Variants in SLC30A9 observed in about 807,000 individuals in gnomAD.
SLC30A9 encodes proton-coupled zinc antiporter SLC30A9, mitochondrial.
Under a neutral mutation model 87.5 loss-of-function variants are expected in SLC30A9, and 58 were observed. The ratio of observed to expected loss-of-function variants is 0.66; its 90% CI spans 0.54 to 0.82. The LOEUF (loss-of-function observed/expected upper bound fraction) is 0.82, where lower values mean the gene tolerates loss of function less well. SLC30A9 is among the 40% of genes least tolerant of loss of function. The pLI, the probability that SLC30A9 is intolerant of heterozygous loss-of-function variation, is 0.00. For synonymous variants in SLC30A9, 234 were observed against 233.0 expected (o/e 1.00, Z -0.04); for missense variants, 557 against 679.1 (o/e 0.82, Z 2.00).
chr4:41,999,605 C>T (rs1292708064), intron 1 of SLC30A9, among the ~76,000 whole-genome samples: 1 of 151,650 alleles, frequency 6.6e-6, no homozygotes, highest in East Asian at 1.9e-4. Flanking sequence ...ATTCAGTCAG[C>T]AAAATTCAGC....
In SLC30A9 at chr4:42,049,467, T is replaced by C; in HGVS notation, c.828T>C (p.Asp276=). 1 of 1,581,810 alleles carries C rather than the reference T, an allele frequency of 6.3e-7. No individual in the cohort carries two copies. Among genetic ancestry groups the C allele is most frequent in the Non-Finnish European group, 8.6e-7 (1 of 1,157,654 alleles). The change falls in exon 9 of 18, where the codon GAT becomes GAC. Residue 276 remains aspartate, a synonymous_variant. Coordinates refer to ENST00000264451, the MANE Select transcript of SLC30A9 (RefSeq NM_006345.4). ...MFSEAIHSLS[D]TCNQGLLALG... ...CAGAAGCTATACACTCATTATCTGA[T>C]ACTTGTAATCAGGTGAGGACTAAAG...
In SLC30A9 at chr4:42,035,326, A is replaced by C. The variant is rs745621391; in HGVS notation, c.662A>C (p.Asn221Thr). The C allele has an allele frequency of 3.7e-6, 6 of 1,602,732 alleles. No homozygotes were observed. The East Asian group carries it at 1.3e-4, about 36-fold the overall frequency. Residue 221 changes from asparagine to threonine, a missense_variant, in exon 7 of 18, where the codon AAT becomes ACT. By Grantham distance (65) the Asn-to-Thr change is moderately conservative. Around this residue, in one of 2 missense-constraint regions of SLC30A9, gnomAD observed 467 missense variants for 529.8 expected, o/e 0.88. Transcript: ENST00000264451. ...AGAGAATACAGAGATTTCTTGGGAA[A>C]TACCAAGGTATGGATATCTTTGTAA... ...ILREYRDFLG[N>T]TKPRSRTASV...
chr4:42,065,220 G>C lies in SLC30A9; in HGVS notation c.1033-90G>C. 3 of 737,630 alleles carry C rather than the reference G, an allele frequency of 4.1e-6. No homozygotes were observed. In the East Asian group the frequency reaches 7.7e-5, roughly 19 times the overall value. The allele number at this position is 737,630 out of a possible 1,614,324, so 45.7% of individuals were successfully genotyped here. A position where few individuals can be genotyped will look rare whatever the true frequency, so the allele number is the denominator to read the frequency against. On this transcript the variant is annotated intron_variant, in intron 11 of 17. Coordinates refer to ENST00000264451, the MANE Select transcript of SLC30A9 (RefSeq NM_006345.4). ...CTGTCTGGCTTAAATTTGAATTCGTGTTTTTGTTTTAGACATTACGGACTT... is the reference window on the plus strand; with the variant it reads ...CTGTCTGGCTTAAATTTGAATTCGTCTTTTTGTTTTAGACATTACGGACTT...
intron 2 of SLC30A9, among the ~76,000 whole-genome samples, chr4:42,014,408 T>A (rs57459478): frequency 9.7e-4 from 148 of 152,164 alleles, no homozygotes; most frequent in African/African-American, 2.5e-3. Context: ...TACAAAAAAA[T>A]TAGCTGGGTG....
At chr4:42,045,635 C>T (rs1717118958) in intron 8 of SLC30A9, among the ~76,000 whole-genome samples, 1 of 150,630 alleles carries the variant, frequency 6.6e-6, no homozygotes, top group Admixed American at 6.6e-5. Flanking sequence ...CCAAATTCTA[C>T]CAGAGGTGCA....
chr4:42,074,086 A>G (rs1023300898), intron 15 of SLC30A9, among the ~76,000 whole-genome samples: 3 of 152,146 alleles, frequency 2.0e-5, no homozygotes, highest in African/African-American at 7.2e-5. Context: ...ATGTTCTGTG[A>G]GTTACCAGGA....
chr4:42,063,165 A>T (rs765888403), intron 11 of SLC30A9, 44 bp downstream of exon 11: 1 of 1,585,556 alleles, frequency 6.3e-7, no homozygotes, highest in South Asian at 1.1e-5. Context: ...CTTATGACAT[A>T]GTGATTGTGT....
At chr4:42,048,505 A>G (rs1213187973) in intron 8 of SLC30A9, among the ~76,000 whole-genome samples, 1 of 112,916 alleles carries the variant, frequency 8.9e-6, no homozygotes, top group South Asian at 3.9e-4. Flanking sequence ...TTGTAATATA[A>G]CATGGTAACT....
At position 41,990,609 on chromosome 4, in the gene SLC30A9, A is replaced by G; in HGVS notation, c.-43A>G. On this transcript the variant is annotated 5_prime_UTR_variant, in exon 1 of 18. Transcript: ENST00000264451. ...TCAGTTGGTACCGGTGGCGGCGCGGAGGCAGAAGGCGGTGTCCGAGTAGGG... is the reference window on the plus strand; with the variant it reads ...TCAGTTGGTACCGGTGGCGGCGCGGGGGCAGAAGGCGGTGTCCGAGTAGGG... 8.1e-7 allele frequency: 1 copy of G among 1,239,464 alleles called. No homozygotes were observed. The allele number at this position is 1,239,464 out of a possible 1,614,324, so 76.8% of individuals were successfully genotyped here. A position where few individuals can be genotyped will look rare whatever the true frequency, so the allele number is the denominator to read the frequency against.
chr4:42,073,105 C>T (rs556440456), intron 15 of SLC30A9, among the ~76,000 whole-genome samples: 5 of 152,248 alleles, frequency 3.3e-5, no homozygotes, highest in Non-Finnish European at 5.9e-5. Context: ...AACTCCTGAC[C>T]TCAGGTGATC....
At chr4:42,006,376 C>G (rs568190761) in intron 2 of SLC30A9, among the ~76,000 whole-genome samples, 18 of 152,062 alleles carry the variant, frequency 1.2e-4, no homozygotes, top group Non-Finnish European at 2.1e-4. Context: ...AATGATACCT[C>G]CTTGGAGACA....
chr4:42,063,938 TCC>T (rs999354725), intron 11 of SLC30A9, among the ~76,000 whole-genome samples: 1 of 152,174 alleles, frequency 6.6e-6, no homozygotes, highest in African/African-American at 2.4e-5. Context: ...TATAAAAGAC[TCC>T]TAGGGACCTG....
chr4:42,074,393 A>T (rs1577722847), intron 15 of SLC30A9, among the ~76,000 whole-genome samples: 1 of 152,148 alleles, frequency 6.6e-6, no homozygotes. Context: ...GTTATTTCTT[A>T]TATGTGCTGT....
intron 6 of SLC30A9, among the ~76,000 whole-genome samples, chr4:42,030,826 C>T (rs1385790289): frequency 3.3e-5 from 5 of 152,164 alleles, no homozygotes; most frequent in Admixed American, 2.0e-4. Context: ...CATCTCTTCC[C>T]TTGTCCTCTA....
intron 4 of SLC30A9, among the ~76,000 whole-genome samples, chr4:42,022,244 C>CTTTTTTTTTTT (rs113214269): frequency 7.8e-6 from 1 of 128,570 alleles, no homozygotes; most frequent in Non-Finnish European, 1.6e-5. Context: ...TTATTTTTCA[C>CTTTTTTTTTTT]TTTTTTTTTT....
At chr4:42,048,907 C>T (rs1212858572) in intron 8 of SLC30A9, among the ~76,000 whole-genome samples, 1 of 152,102 alleles carries the variant, frequency 6.6e-6, no homozygotes, top group Non-Finnish European at 1.5e-5. Context: ...CTCTTGTTAC[C>T]TAAACAAAGT....
chr4:42,053,273 G>A (rs1271671053), intron 9 of SLC30A9, among the ~76,000 whole-genome samples: 1 of 152,158 alleles, frequency 6.6e-6, no homozygotes, highest in Non-Finnish European at 1.5e-5. Flanking sequence ...TTACTAAAAT[G>A]GTACAACCAC....
chr4:41,998,908 G>A (rs1055615821), intron 1 of SLC30A9, among the ~76,000 whole-genome samples: 4 of 152,102 alleles, frequency 2.6e-5, no homozygotes, highest in South Asian at 2.1e-4. Context: ...TTTCTGTCTC[G>A]TATGAATGCC....
In SLC30A9 at chr4:42,087,974, A is replaced by T. The variant is rs1257762002; in HGVS notation, c.*1848A>T. 1 of 144,198 alleles carries T rather than the reference A, an allele frequency of 6.9e-6. No individual in the cohort carries two copies. Among genetic ancestry groups the T allele is most frequent in the African/African-American group, 2.5e-5 (1 of 40,786 alleles). 8.9% of individuals were successfully genotyped at this position (144,198 alleles called of 1,614,324 possible). ...ACGACCCTCAAAGTTAATGTGCAGCAGGTATTCCAAATGGTAATTTTTTTT... is the reference window on the plus strand; with the variant it reads ...ACGACCCTCAAAGTTAATGTGCAGCTGGTATTCCAAATGGTAATTTTTTTT... On this transcript the variant is annotated 3_prime_UTR_variant, in exon 18 of 18. Coordinates refer to ENST00000264451, the MANE Select transcript of SLC30A9 (RefSeq NM_006345.4).
Sources: allele counts gnomAD v4.1 joint callset (sites outside exome capture counted in the v4.1 genomes callset), GRCh38; gene constraint gnomAD v4.1.1; regional missense constraint gnomAD v4.1.1; transcripts MANE v1.5; gene names NCBI Gene and HGNC (gene_info 2026-07-23, HGNC 2026-07-21).